MAMDC2: variants seen among roughly 807,000 people sequenced by gnomAD.
The protein encoded by MAMDC2 is MAM domain containing 2, also known as MAM domain-containing protein 2.
Under a neutral mutation model 89.8 loss-of-function variants are expected in MAMDC2, and 57 were observed. That is an observed-to-expected ratio of 0.63 (90% CI 0.51 to 0.79). The LOEUF is 0.79. MAMDC2 is among the 30% of genes least tolerant of loss of function. MAMDC2 has a pLI of 0.00. For missense variants in MAMDC2, 800 were observed against 820.6 expected (o/e 0.97, Z 0.31); for synonymous variants, 313 against 293.4 (o/e 1.07, Z -0.68).
intron 2 of MAMDC2, among the ~76,000 whole-genome samples, chr9:70,051,249 C>G (rs934195326): frequency 6.6e-6 from 1 of 152,164 alleles, no homozygotes; most frequent in African/African-American, 2.4e-5. Context: ...GCAGCCTCCT[C>G]CTTATGAAGG....
chr9:70,206,251 A>G (rs1045865304), intron 11 of MAMDC2, among the ~76,000 whole-genome samples: 2 of 152,234 alleles, frequency 1.3e-5, no homozygotes, highest in Non-Finnish European at 2.9e-5. Context: ...TATAAGTTTT[A>G]AATTGTGCAC....
intron 9 of MAMDC2, among the ~76,000 whole-genome samples, chr9:70,161,578 T>C (rs1233181043): frequency 6.6e-6 from 1 of 152,268 alleles, no homozygotes; most frequent in Non-Finnish European, 1.5e-5. Context: ...TGCTAGGTTC[T>C]AAGAATGCTA....
chr9:70,173,433 A>G (rs899645783), intron 11 of MAMDC2, among the ~76,000 whole-genome samples: 1 of 152,188 alleles, frequency 6.6e-6, no homozygotes, highest in Non-Finnish European at 1.5e-5. Context: ...TGACACATTT[A>G]ATAATAACTA....
chr9:70,082,402 T>C (rs1827673754), intron 2 of MAMDC2, among the ~76,000 whole-genome samples: 1 of 152,120 alleles, frequency 6.6e-6, no homozygotes, highest in Admixed American at 6.6e-5. Context: ...AAAAACTCTT[T>C]TAAAAAAGGC....
At chr9:70,206,150 C>G (rs974231093) in intron 11 of MAMDC2, among the ~76,000 whole-genome samples, 18 of 152,130 alleles carry the variant, frequency 1.2e-4, no homozygotes, top group African/African-American at 4.3e-4. Flanking sequence ...CTCCCTTATC[C>G]ACAGGTTCAC....
rs1332877359 is a variant in MAMDC2, at chr9:70,226,069, T to C, written c.*37T>C. 1 of 1,185,834 alleles carries C rather than the reference T, an allele frequency of 8.4e-7. No individual in the cohort carries two copies. The allele number at this position is 1,185,834 out of a possible 1,614,324, so 73.5% of individuals were successfully genotyped here. On this transcript the variant is annotated 3_prime_UTR_variant, in exon 14 of 14. Coordinates refer to ENST00000377182, the MANE Select transcript of MAMDC2 (RefSeq NM_153267.5). ...CATTGGATTTACTAGACGAAAACCA[T>C]ACCTCTCTTCAATCAAAATGAAAAC...
rs1826672548 is a variant in MAMDC2, at chr9:70,044,132, G to C, written c.-66G>C. The C allele has an allele frequency of 6.3e-7, 1 of 1,590,306 alleles. No homozygotes were observed. Among genetic ancestry groups the C allele is most frequent in the Admixed American group, 1.7e-5 (1 of 59,886 alleles). ...CGCCTCCCACGATCCCTTTCACTAG[G>C]AGCAGCCAGTCCCAGCGGGCTGGCA... On this transcript the variant is annotated 5_prime_UTR_variant, in exon 1 of 14. Coordinates refer to ENST00000377182, the MANE Select transcript of MAMDC2 (RefSeq NM_153267.5).
intron 2 of MAMDC2, among the ~76,000 whole-genome samples, chr9:70,065,341 A>T (rs534123073): frequency 4.6e-5 from 7 of 152,312 alleles, no homozygotes; most frequent in African/African-American, 1.7e-4. Flanking sequence ...CCAGCTTAAG[A>T]ATCCCTCTTT....
At chr9:70,205,953 G>C (rs2033215771) in intron 11 of MAMDC2, among the ~76,000 whole-genome samples, 1 of 147,472 alleles carries the variant, frequency 6.8e-6, no homozygotes, top group East Asian at 2.1e-4. Context: ...ATCTTTTCTG[G>C]GGAAACCAAG....
chr9:70,134,527 G>C (rs1168217243), intron 7 of MAMDC2, among the ~76,000 whole-genome samples: 2 of 151,950 alleles, frequency 1.3e-5, no homozygotes, highest in African/African-American at 4.8e-5. Context: ...GCCATATGCA[G>C]ACCCAATCTC....
chr9:70,140,440 T>G (rs2031174408), intron 8 of MAMDC2, 152 bp downstream of exon 8: 1 of 800,884 alleles, frequency 1.2e-6, no homozygotes, highest in African/African-American at 1.8e-5. Flanking sequence ...TTGACCATTT[T>G]TAAAAATTGG....
At chr9:70,190,227 GTTTT>G (rs1212263642) in intron 11 of MAMDC2, among the ~76,000 whole-genome samples, 3 of 151,956 alleles carry the variant, frequency 2.0e-5, no homozygotes, top group Non-Finnish European at 4.4e-5. Context: ...TCTCCCCATA[GTTTT>G]TTTGTTATTG....
intron 2 of MAMDC2, among the ~76,000 whole-genome samples, chr9:70,100,088 T>G (rs2997698): frequency 0.066 from 9,706 of 147,768 alleles, 997 homozygotes; most frequent in African/African-American, 0.22. Context: ...CAAAGTGAGA[T>G]GACGAGGTGG....
At chr9:70,212,434 G>A (rs1256515999) in intron 11 of MAMDC2, among the ~76,000 whole-genome samples, 5 of 152,352 alleles carry the variant, frequency 3.3e-5, no homozygotes, top group East Asian at 3.9e-4. Context: ...AGCCAGGCAC[G>A]GGATATAATC....
chr9:70,203,019 T>C (rs1224523429), intron 11 of MAMDC2, among the ~76,000 whole-genome samples: 1 of 152,146 alleles, frequency 6.6e-6, no homozygotes, highest in Non-Finnish European at 1.5e-5. Context: ...AATTTGCCAG[T>C]CTGTGTCTTT....
At chr9:70,193,949 T>G (rs2032931100) in intron 11 of MAMDC2, 1 of 152,130 alleles carries the variant, frequency 6.6e-6, no homozygotes, top group South Asian at 2.1e-4. Context: ...CTACATTAGC[T>G]GGTCAGTCAA....
chr9:70,153,247 G>A (rs1043065485), intron 9 of MAMDC2: 4 of 152,138 alleles, frequency 2.6e-5, no homozygotes, highest in African/African-American at 9.7e-5. Flanking sequence ...TAGAGAGCAG[G>A]TAATCAACAG....
intron 2 of MAMDC2, among the ~76,000 whole-genome samples, chr9:70,076,831 C>T (rs962309113): frequency 4.6e-5 from 7 of 152,140 alleles, no homozygotes; most frequent in Non-Finnish European, 8.8e-5. Flanking sequence ...AAAATAGTCC[C>T]TTCAGCCTTT....
chr9:70,095,220 T>C (rs533084562), intron 2 of MAMDC2, among the ~76,000 whole-genome samples: 1 of 152,196 alleles, frequency 6.6e-6, no homozygotes, highest in African/African-American at 2.4e-5. Context: ...GCCATGTAAA[T>C]TGAGGACAAT....
Sources: allele counts gnomAD v4.1 joint callset (sites outside exome capture counted in the v4.1 genomes callset), GRCh38; gene constraint gnomAD v4.1.1; transcripts MANE v1.5; gene names NCBI Gene and HGNC (gene_info 2026-07-23, HGNC 2026-07-21).